Variants in CD8B observed in about 807,000 individuals in gnomAD.
CD8B encodes T-cell surface glycoprotein CD8 beta chain.
A neutral mutation model predicts 24.2 loss-of-function variants in CD8B; 6 were observed. The ratio of observed to expected loss-of-function variants is 0.25; its 90% confidence interval spans 0.14 to 0.49. CD8B has a LOEUF of 0.49. Ranked by LOEUF, CD8B falls within the 20% of genes least tolerant of loss-of-function variation. CD8B has a pLI of 0.98. For missense variants in CD8B, 196 were observed against 271.3 expected, an observed-to-expected ratio of 0.72 and a Z score of 1.95; for synonymous variants, 84 against 108.3, an observed-to-expected ratio of 0.78 and a Z score of 1.39.
downstream of CD8B, among the ~76,000 whole-genome samples, chr2:86,835,898 GAGCCACGCA>G (rs1016869698): frequency 2.0e-5 from 3 of 151,842 alleles, no homozygotes; most frequent in African/African-American, 7.3e-5. Context: ...CTCACTCTTG[GAGCCACGCA>G]AGTGCCAGCC....
rs150899872 is a variant in CD8B, at chr2:86,855,695, C to G, written c.403+2362G>C. Reference sequence around the variant, plus strand: ...AGCGTGCAACGAGCCTGGCCCTCTCCTGGGAGTGTTGCCTCCTTCAATCCT... The same window carrying G: ...AGCGTGCAACGAGCCTGGCCCTCTCGTGGGAGTGTTGCCTCCTTCAATCCT... On this transcript the variant is annotated intron_variant, in intron 2 of 5. Coordinates refer to ENST00000390655, the MANE Select transcript of CD8B (RefSeq NM_004931.5). 2.5e-4 allele frequency among the ~76,000 whole-genome samples: 38 copies of G among 152,338 alleles called. No individual in the cohort carries two copies. The East Asian group carries it at 6.9e-3, about 28-fold the overall frequency.
intron 3 of CD8B, among the ~76,000 whole-genome samples, chr2:86,851,348 C>T (rs1377075701): frequency 1.3e-5 from 2 of 152,062 alleles, no homozygotes; most frequent in Admixed American, 6.6e-5. Context: ...CTGATGTTGC[C>T]GGGTTCTCCA....
chr2:86,861,109 T>C (rs1676562501), intron 1 of CD8B, among the ~76,000 whole-genome samples: 1 of 152,194 alleles, frequency 6.6e-6, no homozygotes, highest in African/African-American at 2.4e-5. Flanking sequence ...CCTGGCAAGA[T>C]GACCAGCTTT....
At chr2:86,829,103 T>TTTC (rs1558750337) in intron 5 of CD8B, among the ~76,000 whole-genome samples, 1 of 139,606 alleles carries the variant, frequency 7.2e-6, no homozygotes, top group East Asian at 2.1e-4. Context: ...TACTTTTTTT[T>TTTC]TTTTTTTTTT....
At chr2:86,843,595 G>C in intron 5 of CD8B, 1 of 982,480 alleles carries the variant, frequency 1.0e-6, no homozygotes, top group Non-Finnish European at 1.2e-6. Context: ...ACAATGCAGA[G>C]CATATAGTAA....
At chr2:86,833,195 CTTT>C (rs878931885), downstream of CD8B, among the ~76,000 whole-genome samples, 3 of 138,032 alleles carry the variant, frequency 2.2e-5, no homozygotes, top group Non-Finnish European at 3.1e-5. Context: ...GTTAATCTGT[CTTT>C]TTTTTTTTTT....
downstream of CD8B, among the ~76,000 whole-genome samples, chr2:86,834,488 A>G (rs72847713): frequency 6.7e-3 from 918 of 137,482 alleles, no homozygotes; most frequent in East Asian, 9.2e-3. Flanking sequence ...ACACACACAC[A>G]AAAGTCTTAA....
In CD8B at chr2:86,838,496, T is replaced by A. The variant is rs1408356520; in HGVS notation, c.*3811A>T. Among the ~76,000 whole-genome samples, 1 of 152,102 alleles carries A rather than the reference T, an allele frequency of 6.6e-6. No individual in the cohort carries two copies. The highest frequency in any genetic ancestry group is 1.5e-5 in the Non-Finnish European group (1 of 68,028). On this transcript the variant is annotated 3_prime_UTR_variant, in exon 6 of 6. Coordinates refer to ENST00000390655, the MANE Select transcript of CD8B (RefSeq NM_004931.5). Reference sequence around the variant, plus strand: ...TGGGAAGAAAAAAAAACAAGAAACTTTTTAGAAAAAATTTATTTTTGAGAC... The same window carrying A: ...TGGGAAGAAAAAAAAACAAGAAACTATTTAGAAAAAATTTATTTTTGAGAC...
intron 5 of CD8B, among the ~76,000 whole-genome samples, chr2:86,829,957 CA>C (rs1674844027): frequency 6.6e-6 from 1 of 152,200 alleles, no homozygotes; most frequent in Admixed American, 6.5e-5. Flanking sequence ...GCATTGTGAA[CA>C]TCTTTCCACT....
intron 5 of CD8B, among the ~76,000 whole-genome samples, chr2:86,820,874 T>G (rs1458734629): frequency 6.6e-6 from 1 of 152,248 alleles, no homozygotes; most frequent in Non-Finnish European, 1.5e-5. Context: ...TGCCATGCAC[T>G]CTGCAAGCAC....
intron 5 of CD8B, among the ~76,000 whole-genome samples, chr2:86,831,436 G>A (rs1345428433): frequency 1.3e-5 from 2 of 152,210 alleles, no homozygotes; most frequent in Non-Finnish European, 2.9e-5. Context: ...TTCAAATGGA[G>A]TCTATTCATG....
intron 1 of CD8B, among the ~76,000 whole-genome samples, chr2:86,860,114 A>G (rs552953666): frequency 1.3e-4 from 20 of 152,154 alleles, no homozygotes; most frequent in Non-Finnish European, 2.5e-4. Flanking sequence ...TACTAAGAAT[A>G]CAAAAATTAT....
At chr2:86,816,015 A>C (rs879846278) in intron 5 of CD8B, among the ~76,000 whole-genome samples, 5 of 152,170 alleles carry the variant, frequency 3.3e-5, no homozygotes, top group Non-Finnish European at 7.3e-5. Flanking sequence ...CCCAAAGTTA[A>C]TATCATTTGG....
At chr2:86,825,907 C>G (rs997231994) in intron 5 of CD8B, among the ~76,000 whole-genome samples, 1 of 151,970 alleles carries the variant, frequency 6.6e-6, no homozygotes, top group African/African-American at 2.4e-5. Flanking sequence ...CAAAGAGCAC[C>G]AGGAGGAGAC....
intron 5 of CD8B, among the ~76,000 whole-genome samples, chr2:86,832,334 C>T (rs950244864): frequency 6.6e-6 from 1 of 151,870 alleles, no homozygotes; most frequent in African/African-American, 2.4e-5. Flanking sequence ...CAAAATTAGC[C>T]AGGCATGGTG....
intron 3 of CD8B, among the ~76,000 whole-genome samples, chr2:86,847,339 C>G (rs1274762788): frequency 6.6e-6 from 1 of 152,122 alleles, no homozygotes; most frequent in Non-Finnish European, 1.5e-5. Context: ...ATTTTCATGC[C>G]TGGTAATGAG....
intron 2 of CD8B, among the ~76,000 whole-genome samples, chr2:86,854,074 G>A (rs1676112794): frequency 6.6e-6 from 1 of 152,068 alleles, no homozygotes; most frequent in African/African-American, 2.4e-5. Context: ...TGTGTGACTT[G>A]GGACAAGTCA....
chr2:86,855,941 G>A (rs1398566525), intron 2 of CD8B, among the ~76,000 whole-genome samples: 2 of 152,162 alleles, frequency 1.3e-5, no homozygotes, highest in African/African-American at 4.8e-5. Context: ...TTCCTCCTGA[G>A]CACCCAGTTT....
chr2:86,840,577 G>T lies in CD8B; in HGVS notation c.*1730C>A, dbSNP rs1324441981. On this transcript the variant is annotated 3_prime_UTR_variant, in exon 6 of 6. Coordinates refer to ENST00000390655, the MANE Select transcript of CD8B (RefSeq NM_004931.5). ...GGGGTAGCCAACAGGTACCTCAAAA[G>T]GGGTACTTAAAACCCAGAAAACTTT... is the stretch of plus-strand genomic sequence containing the variant. Among the ~76,000 whole-genome samples the T allele has an allele frequency of 2.0e-5, 3 of 152,230 alleles. No individual in the cohort carries two copies. The highest frequency in any genetic ancestry group is 7.2e-5 in the African/African-American group (3 of 41,454).
Sources: gnomAD v4.1 joint callset for allele counts (sites outside exome capture counted in the v4.1 genomes callset) on GRCh38, gnomAD v4.1.1 for gene constraint, MANE v1.5 for transcripts, NCBI Gene and HGNC (gene_info 2026-07-23, HGNC 2026-07-21) for gene names.